RAB4A: variants seen among roughly 807,000 people sequenced by gnomAD.
The protein encoded by RAB4A is ras-related protein Rab-4A.
RAB4A carries 20 observed loss-of-function variants against 34.5 expected under a neutral mutation model. The observed-to-expected ratio is 0.58, with a 90% confidence interval of 0.41 to 0.84. RAB4A has a LOEUF of 0.84. RAB4A is among the 40% of genes least tolerant of loss of function. The probability of loss-of-function intolerance (pLI) is 0.00; values close to 1 mark genes in which losing one functional copy is unlikely to be tolerated. For missense variants in RAB4A, 228 were observed against 274.5 expected (o/e 0.83, Z 1.20); for synonymous variants, 102 against 100.0 (o/e 1.02, Z -0.12).
intron 1 of RAB4A, among the ~76,000 whole-genome samples, chr1:229,277,872 T>TC (rs1656689767): frequency 6.6e-6 from 1 of 151,228 alleles, no homozygotes. Context: ...CTCCCTTTCT[T>TC]CTTTTTTTCT....
At chr1:229,301,948 A>T (rs1424051475) in intron 6 of RAB4A, among the ~76,000 whole-genome samples, 1 of 151,922 alleles carries the variant, frequency 6.6e-6, no homozygotes, top group Non-Finnish European at 1.5e-5. Flanking sequence ...TCCCTAATCC[A>T]AAATGTTCCA....
At chr1:229,274,278 T>C (rs1558233823) in intron 1 of RAB4A, among the ~76,000 whole-genome samples, 1 of 151,560 alleles carries the variant, frequency 6.6e-6, no homozygotes, top group Non-Finnish European at 1.5e-5. Flanking sequence ...TTGCTCAGTC[T>C]CATCCCGAAC....
At chr1:229,298,830 T>C in intron 5 of RAB4A, 147 bp from the exon 6 acceptor site, 1 of 631,456 alleles carries the variant, frequency 1.6e-6, no homozygotes, top group Non-Finnish European at 2.8e-6. Context: ...ATGACATATA[T>C]TGATTTTATA....
chr1:229,301,002 A>G (rs1657374422), intron 6 of RAB4A, among the ~76,000 whole-genome samples: 1 of 152,196 alleles, frequency 6.6e-6, no homozygotes, highest in South Asian at 2.1e-4. Flanking sequence ...TCATTATGTA[A>G]TGTAATAGTA....
intron 1 of RAB4A, among the ~76,000 whole-genome samples, chr1:229,281,939 A>G (rs994549204): frequency 6.6e-6 from 1 of 151,356 alleles, no homozygotes; most frequent in Non-Finnish European, 1.5e-5. Flanking sequence ...AGATAATACT[A>G]TTTTTCTTAA....
At chr1:229,279,107 A>T (rs1240452867) in intron 1 of RAB4A, among the ~76,000 whole-genome samples, 5 of 152,206 alleles carry the variant, frequency 3.3e-5, no homozygotes, top group Non-Finnish European at 7.3e-5. Flanking sequence ...AAAGAAGGAA[A>T]CCTTCTTTAA....
At chr1:229,278,188 G>A (rs1656696892) in intron 1 of RAB4A, among the ~76,000 whole-genome samples, 1 of 152,122 alleles carries the variant, frequency 6.6e-6, no homozygotes, top group African/African-American at 2.4e-5. Context: ...CAGGCAATGA[G>A]CTGCTCTCTC....
At chr1:229,289,139 T>C in intron 3 of RAB4A, 1 of 219,068 alleles carries the variant, frequency 4.6e-6, no homozygotes, top group Non-Finnish European at 8.8e-6. Context: ...TGTTTCTAGA[T>C]TCAAATCAAA....
rs1478640996 is a variant in RAB4A, at chr1:229,271,160, C to T, written c.-180C>T. On this transcript the variant is annotated 5_prime_UTR_variant, in exon 1 of 8. Coordinates refer to ENST00000366690, the MANE Select transcript of RAB4A (RefSeq NM_004578.4). ...GGACGGAGGGTGGAGGGCCCTGCGC[C>T]TGCGCGGAGCTGGAGTCCGGCTGGG... The T allele has an allele frequency of 1.1e-4, 51 of 475,820 alleles. No homozygotes were observed. In the East Asian group the frequency reaches 2.0e-3, roughly 19 times the overall value. The allele number at this position is 475,820 out of a possible 1,614,324, so 29.5% of individuals were successfully genotyped here. A position where few individuals can be genotyped will look rare whatever the true frequency, so the allele number is the denominator to read the frequency against.
In RAB4A at chr1:229,305,153, T is replaced by G; in HGVS notation, c.*1360T>G. On this transcript the variant is annotated 3_prime_UTR_variant, in exon 8 of 8. Coordinates refer to ENST00000366690, the MANE Select transcript of RAB4A (RefSeq NM_004578.4). Reference sequence around the variant, plus strand: ...CTGGGAAATGACTAGGATAAAAATATCAGTATGTATCTGTTTTAGATATTT... The same window carrying G: ...CTGGGAAATGACTAGGATAAAAATAGCAGTATGTATCTGTTTTAGATATTT... 1 of 1,593,200 alleles carries G rather than the reference T, an allele frequency of 6.3e-7. No homozygotes were observed. Among genetic ancestry groups the G allele is most frequent in the Non-Finnish European group, 8.5e-7 (1 of 1,171,406 alleles).
At chr1:229,285,981 A>G (rs1656913451) in intron 1 of RAB4A, among the ~76,000 whole-genome samples, 1 of 152,264 alleles carries the variant, frequency 6.6e-6, no homozygotes, top group East Asian at 1.9e-4. Flanking sequence ...CCGTTATACA[A>G]ATTACAGATG....
At chr1:229,277,500 C>T (rs1033665283) in intron 1 of RAB4A, among the ~76,000 whole-genome samples, 9 of 151,268 alleles carry the variant, frequency 5.9e-5, no homozygotes, top group Middle Eastern at 3.4e-3. Flanking sequence ...ACCATTGTAC[C>T]AAAACTTTTT....
At chr1:229,302,513 G>T (rs1657441087) in intron 6 of RAB4A, among the ~76,000 whole-genome samples, 1 of 148,814 alleles carries the variant, frequency 6.7e-6, no homozygotes, top group South Asian at 2.1e-4. Context: ...TCTAATAAGT[G>T]AAAAATTATA....
chr1:229,281,743 G>T (rs913266274), intron 1 of RAB4A, among the ~76,000 whole-genome samples: 2 of 150,472 alleles, frequency 1.3e-5, no homozygotes, highest in African/African-American at 4.9e-5. Context: ...GAGTGCTGTG[G>T]AATGTATCTC....
intron 3 of RAB4A, among the ~76,000 whole-genome samples, chr1:229,290,813 A>G (rs1657050702): frequency 6.6e-6 from 1 of 152,228 alleles, no homozygotes; most frequent in African/African-American, 2.4e-5. Context: ...GAGAGATGAC[A>G]TAAAGAATCC....
intron 3 of RAB4A, among the ~76,000 whole-genome samples, chr1:229,292,132 G>A (rs942339240): frequency 4.6e-5 from 7 of 151,238 alleles, no homozygotes; most frequent in South Asian, 2.1e-4. Context: ...ACGAGTTAGC[G>A]GTTGCAGCAC....
In RAB4A at chr1:229,284,094, G is replaced by GTTTTTTTTTTTTTTTTTTTTT. The variant is rs773213321; in HGVS notation, c.32-2388_32-2368dup. Among the ~76,000 whole-genome samples, 2 of 45,904 alleles carry GTTTTTTTTTTTTTTTTTTTTT rather than the reference G, an allele frequency of 4.4e-5. 1 individual carries two copies. The allele number at this position is 45,904 out of a possible 152,430, so 30.1% of individuals were successfully genotyped here. On this transcript the variant is annotated intron_variant, in intron 1 of 7. Transcript: ENST00000366690. ...TTTTTTTTGTTGTTGGTGTTGTTTG[G>GTTTTTTTTTTTTTTTTTTTTT]TTTTTTTTTTTTTTTTTTTTTTTTG...
intron 1 of RAB4A, among the ~76,000 whole-genome samples, chr1:229,272,930 T>C (rs1656534227): frequency 6.6e-6 from 1 of 152,240 alleles, no homozygotes; most frequent in South Asian, 2.1e-4. Context: ...GACAAGTGTT[T>C]GCAAATGTTT....
intron 1 of RAB4A, among the ~76,000 whole-genome samples, chr1:229,277,904 G>GC (rs1656690528): frequency 6.6e-6 from 1 of 151,166 alleles, no homozygotes; most frequent in Non-Finnish European, 1.5e-5. Context: ...TCACTCTGTT[G>GC]CCCAGTCTGG....
Sources: gnomAD v4.1 joint callset for allele counts (sites outside exome capture counted in the v4.1 genomes callset) on GRCh38, gnomAD v4.1.1 for gene constraint, MANE v1.5 for transcripts, NCBI Gene and HGNC (gene_info 2026-07-23, HGNC 2026-07-21) for gene names.